Variants in ANO4 observed in about 807,000 individuals in gnomAD.
ANO4 encodes anoctamin 4, also known as anoctamin-4.
Under a neutral mutation model 141.9 loss-of-function variants are expected in ANO4, and 69 were observed. The observed-to-expected ratio is 0.49, with a 90% CI of 0.40 to 0.59. The LOEUF (loss-of-function observed/expected upper bound fraction) is 0.59. ANO4 is among the 20% of genes least tolerant of loss of function. The probability of loss-of-function intolerance (pLI) is 0.00; values close to 1 mark genes in which losing one functional copy is unlikely to be tolerated. For synonymous variants in ANO4, 350 were observed against 394.3 expected, an observed-to-expected ratio of 0.89 and a Z score of 1.33; for missense variants, 894 against 1,162.2, an observed-to-expected ratio of 0.77 and a Z score of 3.36.
intron 9 of ANO4, among the ~76,000 whole-genome samples, chr12:101,027,830 T>C (rs1370562349): frequency 1.3e-5 from 2 of 152,042 alleles, no homozygotes; most frequent in African/African-American, 4.8e-5. Flanking sequence ...GTGAAAATGC[T>C]TCATTAAATG....
At chr12:100,970,854 G>T (rs938799612) in intron 5 of ANO4, among the ~76,000 whole-genome samples, 30 of 152,068 alleles carry the variant, frequency 2.0e-4, no homozygotes, top group African/African-American at 7.2e-4. Flanking sequence ...CAGTACCTGG[G>T]GTTACAGGCA....
intron 3 of ANO4, among the ~76,000 whole-genome samples, chr12:100,763,398 C>G (rs1377202506): frequency 1.3e-5 from 2 of 152,138 alleles, no homozygotes; most frequent in African/African-American, 4.8e-5. Context: ...ATATTTCCAC[C>G]AAGCAAAAAG....
At chr12:101,039,665 A>C (rs1013694361) in intron 10 of ANO4, among the ~76,000 whole-genome samples, 1 of 152,230 alleles carries the variant, frequency 6.6e-6, no homozygotes, top group Non-Finnish European at 1.5e-5. Flanking sequence ...AGCTCAGAGC[A>C]TTTAGGGAAC....
chr12:100,957,127 AT>A (rs1358508905), intron 5 of ANO4, among the ~76,000 whole-genome samples: 4 of 152,220 alleles, frequency 2.6e-5, no homozygotes, highest in Non-Finnish European at 4.4e-5. Context: ...AAATATTATC[AT>A]TTAGTTCATG....
At chr12:100,974,757 T>C (rs1330320199) in intron 6 of ANO4, 88 bp from the exon 7 acceptor site, 2 of 1,417,856 alleles carry the variant, frequency 1.4e-6, no homozygotes, top group Non-Finnish European at 2.0e-6. Flanking sequence ...GGCTTCTATC[T>C]TCAATCTCCT....
At chr12:101,071,108 C>T (rs540912544) in intron 14 of ANO4, among the ~76,000 whole-genome samples, 9 of 152,132 alleles carry the variant, frequency 5.9e-5, no homozygotes, top group Admixed American at 2.6e-4. Context: ...AGAAAAGTTT[C>T]GAGGTTCCTC....
At chr12:100,965,397 T>G (rs2043608394) in intron 5 of ANO4, among the ~76,000 whole-genome samples, 1 of 152,134 alleles carries the variant, frequency 6.6e-6, no homozygotes, top group Non-Finnish European at 1.5e-5. Flanking sequence ...AATAACTTTC[T>G]TATTGAACTT....
chr12:100,739,496 G>A (rs2031769785), intron 2 of ANO4, among the ~76,000 whole-genome samples: 1 of 152,152 alleles, frequency 6.6e-6, no homozygotes, highest in Non-Finnish European at 1.5e-5. Flanking sequence ...AACTGAAATT[G>A]TGATAGTCCC....
At chr12:100,976,233 C>T (rs1019515855) in intron 7 of ANO4, among the ~76,000 whole-genome samples, 5 of 152,158 alleles carry the variant, frequency 3.3e-5, no homozygotes, top group Non-Finnish European at 7.3e-5. Context: ...AATTCAGGTT[C>T]CCTCTGTTTA....
At chr12:100,887,770 C>T (rs2135978675) in intron 1 of ANO4, among the ~76,000 whole-genome samples, 1 of 152,270 alleles carries the variant, frequency 6.6e-6, no homozygotes, top group African/African-American at 2.4e-5. Flanking sequence ...ACCTTTTCCC[C>T]AAGGTATTAC....
At chr12:101,110,260 C>T in intron 22 of ANO4, 144 bp from the exon 23 acceptor site, 2 of 822,118 alleles carry the variant, frequency 2.4e-6, no homozygotes, top group South Asian at 4.2e-5. Context: ...AGTCTCCTGG[C>T]CATCTTTCTG....
chr12:100,876,457 G>A (rs1045001756), intron 1 of ANO4, among the ~76,000 whole-genome samples: 3 of 152,284 alleles, frequency 2.0e-5, no homozygotes, highest in Non-Finnish European at 2.9e-5. Context: ...TGGGATGATA[G>A]CTGGAAGGTT....
chr12:101,110,635 AT>A, intron 23 of ANO4, 79 bp downstream of exon 23: 1 of 1,242,546 alleles, frequency 8.0e-7, no homozygotes, highest in Non-Finnish European at 1.1e-6. Flanking sequence ...CAAACTTTAG[AT>A]TTTTAATTAT....
intron 8 of ANO4, among the ~76,000 whole-genome samples, chr12:101,018,340 A>G (rs764703125): frequency 4.9e-4 from 74 of 152,334 alleles, no homozygotes; most frequent in Admixed American, 1.8e-3. Context: ...TTACCCACAC[A>G]GCGTTTATCG....
intron 8 of ANO4, among the ~76,000 whole-genome samples, chr12:101,009,109 T>A (rs1224255798): frequency 1.3e-5 from 2 of 152,130 alleles, no homozygotes; most frequent in African/African-American, 4.8e-5. Flanking sequence ...TAACCCCCAA[T>A]ATCTCAGAAT....
intron 14 of ANO4, among the ~76,000 whole-genome samples, chr12:101,063,561 G>A (rs543670031): frequency 6.6e-6 from 1 of 152,106 alleles, no homozygotes; most frequent in East Asian, 1.9e-4. Context: ...TTATTGAGGT[G>A]ATGTTGGCCT....
rs765541095 is a variant in ANO4, at chr12:100,965,966, G to A, written c.457-5340G>A. Among the ~76,000 whole-genome samples the A allele has an allele frequency of 2.2e-4, 33 of 152,044 alleles. 1 individual carries two copies. Among genetic ancestry groups the A allele is most frequent in the Non-Finnish European group, 4.3e-4 (29 of 68,010 alleles). ...CACCTGGAAGAGTCCCTGACACAGA[G>A]TAGCCACTTAATGAACATTTTTGGG... is the stretch of plus-strand genomic sequence containing the variant. On this transcript the variant is annotated intron_variant, in intron 5 of 27. Coordinates refer to ENST00000392977, the MANE Select transcript of ANO4 (RefSeq NM_001286615.2).
chr12:100,995,282 A>G lies in ANO4; in HGVS notation c.734+7612A>G, dbSNP rs543149342. ...GGGCAGAGAGAGTTCCAAGAGGGGA[A>G]CAGAAAACAAAACCAAGGCCCTAAT... On this transcript the variant is annotated intron_variant, in intron 8 of 27. Transcript: ENST00000392977. Among the ~76,000 whole-genome samples, 21 of 152,244 alleles carry G rather than the reference A, an allele frequency of 1.4e-4. No homozygotes were observed. In the East Asian group the frequency reaches 4.1e-3, roughly 29 times the overall value.
intron 10 of ANO4, among the ~76,000 whole-genome samples, chr12:101,038,140 G>C (rs2047270832): frequency 6.6e-6 from 1 of 152,158 alleles, no homozygotes; most frequent in South Asian, 2.1e-4. Context: ...ACTCTGTTTA[G>C]ACTGCCAGGA....
Sources: allele counts gnomAD v4.1 joint callset (sites outside exome capture counted in the v4.1 genomes callset), GRCh38; gene constraint gnomAD v4.1.1; transcripts MANE v1.5; gene names NCBI Gene and HGNC (gene_info 2026-07-23, HGNC 2026-07-21).